Variants in CDKN3 observed in about 807,000 individuals in gnomAD.
The protein encoded by CDKN3 is cyclin-dependent kinase inhibitor 3.
A neutral mutation model predicts 36.1 loss-of-function variants in CDKN3; 19 were observed. The observed-to-expected ratio is 0.53, with a 90% CI of 0.37 to 0.77. The LOEUF is 0.77. Among genes scored for constraint, CDKN3 ranks in the 30% least tolerant of loss-of-function variants. The pLI, the probability that CDKN3 is intolerant of heterozygous loss-of-function variation, is 0.00. For synonymous variants in CDKN3, 71 were observed against 85.3 expected, an observed-to-expected ratio of 0.83 and a Z score of 0.92; for missense variants, 188 against 248.6, an observed-to-expected ratio of 0.76 and a Z score of 1.64.
At chr14:54,411,176 CAAAAAA>C (rs376186329) in intron 4 of CDKN3, 29 of 120,376 alleles carry the variant, frequency 2.4e-4, no homozygotes, top group South Asian at 7.1e-4. Context: ...GACTCCATCT[CAAAAAA>C]AAAAAAAAAA....
intron 7 of CDKN3, chr14:54,418,169 CAAACAAGATAATGA>C (rs1184992206): frequency 2.8e-6 from 2 of 703,956 alleles, no homozygotes; most frequent in Non-Finnish European, 5.2e-6. Flanking sequence ...CACAGGATTT[CAAACAAGATAATGA>C]AAATTTGAAC....
At chr14:54,405,395 T>G (rs1317112284) in intron 3 of CDKN3, among the ~76,000 whole-genome samples, 1 of 152,192 alleles carries the variant, frequency 6.6e-6, no homozygotes, top group Non-Finnish European at 1.5e-5. Context: ...TGGATATCCT[T>G]GTTAATTTTC....
chr14:54,406,597 A>T (rs1404678803), intron 3 of CDKN3, among the ~76,000 whole-genome samples: 1 of 151,508 alleles, frequency 6.6e-6, no homozygotes, highest in African/African-American at 2.4e-5. Flanking sequence ...TTGGTCTCCA[A>T]TCTCTGATAT....
rs373806786 is a variant in CDKN3 at position 54,404,531 on chromosome 14, C to G, written c.148+2952C>G. Among the ~76,000 whole-genome samples, 304 of 151,774 alleles carry G rather than the reference C, an allele frequency of 2.0e-3. 19 individuals are homozygous for G. The South Asian group carries it at 0.061, about 30-fold the overall frequency. On this transcript the variant is annotated intron_variant, in intron 3 of 7. Transcript: ENST00000335183. ...CTAGATTCATTGATTTTTTGAATGG[C>G]TTTTTATGTCTCTATCTCCTTCAGT...
intron 7 of CDKN3, among the ~76,000 whole-genome samples, chr14:54,418,653 C>A (rs2030628573): frequency 6.6e-6 from 1 of 152,226 alleles, no homozygotes; most frequent in Admixed American, 6.5e-5. Context: ...ACCAAAGAAT[C>A]CTGGCTGTTA....
intron 1 of CDKN3, among the ~76,000 whole-genome samples, chr14:54,398,091 A>C (rs1162946156): frequency 6.6e-6 from 1 of 152,224 alleles, no homozygotes; most frequent in Non-Finnish European, 1.5e-5. Context: ...ATATCACGCC[A>C]CTGCCCTCCA....
At chr14:54,410,352 A>G (rs961119086) in intron 4 of CDKN3, among the ~76,000 whole-genome samples, 1 of 152,220 alleles carries the variant, frequency 6.6e-6, no homozygotes, top group Non-Finnish European at 1.5e-5. Flanking sequence ...TGTACATCTC[A>G]GGGATTAGTT....
At chr14:54,400,665 G>A (rs2029908356) in intron 2 of CDKN3, among the ~76,000 whole-genome samples, 1 of 152,156 alleles carries the variant, frequency 6.6e-6, no homozygotes, top group Non-Finnish European at 1.5e-5. Context: ...GAGAAAGAGT[G>A]TCCTAAAGGT....
At chr14:54,400,642 C>T (rs2029907548) in intron 2 of CDKN3, among the ~76,000 whole-genome samples, 1 of 152,188 alleles carries the variant, frequency 6.6e-6, no homozygotes, top group African/African-American at 2.4e-5. Flanking sequence ...AAGCACTATC[C>T]CTACTGTCAG....
chr14:54,400,181 C>CCT (rs773039875), intron 2 of CDKN3, among the ~76,000 whole-genome samples: 1 of 137,302 alleles, frequency 7.3e-6, no homozygotes, highest in Non-Finnish European at 1.6e-5. Context: ...GAATAAGACC[C>CCT]TTTTTTTTTT....
At chr14:54,398,202 C>A (rs1886375013) in intron 1 of CDKN3, among the ~76,000 whole-genome samples, 1 of 152,192 alleles carries the variant, frequency 6.6e-6, no homozygotes, top group Admixed American at 6.5e-5. Flanking sequence ...AGTACCAAGA[C>A]CGTTGTAGAA....
Position 54,417,196 on chromosome 14 carries a change from T to C in CDKN3, c.449-652T>C, listed in dbSNP as rs4251657. Among the ~76,000 whole-genome samples, 114 of 152,328 alleles carry C rather than the reference T, an allele frequency of 7.5e-4. 1 individual carries two copies. Among genetic ancestry groups the C allele is most frequent in the African/African-American group, 2.1e-3 (87 of 41,568 alleles). Reference sequence around the variant, plus strand: ...CAAAGTATATACCCAAAGACTTGTATACAAATGTTTATAGCAGCATTAATC... The same window carrying C: ...CAAAGTATATACCCAAAGACTTGTACACAAATGTTTATAGCAGCATTAATC... On this transcript the variant is annotated intron_variant, in intron 6 of 7. Transcript: ENST00000335183.
In CDKN3 at chr14:54,401,591, A is replaced by AC. The variant is rs1566703805; in HGVS notation, c.148+12_148+13insC. 2 of 1,563,174 alleles carry AC rather than the reference A, an allele frequency of 1.3e-6. No individual in the cohort carries two copies. Among genetic ancestry groups the AC allele is most frequent in the Admixed American group, 3.4e-5 (2 of 58,736 alleles). Reference sequence around the variant, plus strand: ...ATGTGCTCTTCCAGGTGGGTAACACAATAATGGGCTTCCTATCAATATGTA... The same window carrying AC: ...ATGTGCTCTTCCAGGTGGGTAACACACATAATGGGCTTCCTATCAATATGTA... On this transcript the variant is annotated intron_variant, in intron 3 of 7. Transcript: ENST00000335183.
chr14:54,416,044 G>A (rs139249671), intron 6 of CDKN3, 114 bp downstream of exon 6: 1 of 801,452 alleles, frequency 1.2e-6, no homozygotes, highest in African/African-American at 1.7e-5. Flanking sequence ...AGTTTGCTAA[G>A]ACTCAAAGGA....
intron 5 of CDKN3, among the ~76,000 whole-genome samples, chr14:54,412,048 T>C (rs2030375486): frequency 6.6e-6 from 1 of 152,220 alleles, no homozygotes; most frequent in Admixed American, 6.5e-5. Flanking sequence ...GCCTCACTTA[T>C]TAGCTTTTCA....
At chr14:54,416,541 G>A (rs1249527483) in intron 6 of CDKN3, among the ~76,000 whole-genome samples, 5 of 152,150 alleles carry the variant, frequency 3.3e-5, no homozygotes, top group Non-Finnish European at 5.9e-5. Context: ...TAGGCCGGGC[G>A]TCGTGGCTCA....
chr14:54,399,961 C>T lies in CDKN3; in HGVS notation c.77C>T (p.Pro26Leu), dbSNP rs1886427962. Residue 26 changes from proline (P) to leucine (L), a missense_variant, in exon 2 of 8, where the codon CCA (proline) becomes CTA (leucine). Pro to Leu is a moderately conservative substitution (Grantham distance 98). Transcript: ENST00000335183. ...DEEPIEDEQT[P>L]IHISWLSLSR... ...GAGCCTATTGAAGATGAACAGACTC[C>T]AATTCATATATCATGGTATGTTAGC... The T allele has an allele frequency of 6.8e-7, 1 of 1,477,390 alleles. No homozygotes were observed. Among genetic ancestry groups the T allele is most frequent in the African/African-American group, 1.4e-5 (1 of 72,466 alleles). The allele number at this position is 1,477,390 out of a possible 1,614,324, so 91.5% of individuals were successfully genotyped here. A position where few individuals can be genotyped will look rare whatever the true frequency, so the allele number is the denominator to read the frequency against.
At chr14:54,403,810 A>G (rs1162535870) in intron 3 of CDKN3, among the ~76,000 whole-genome samples, 1 of 152,134 alleles carries the variant, frequency 6.6e-6, no homozygotes, top group African/African-American at 2.4e-5. Context: ...GGTTTTTGTC[A>G]CTGATTCTGT....
chr14:54,397,147 C>T, intron 1 of CDKN3, 70 bp downstream of exon 1: 1 of 1,406,244 alleles, frequency 7.1e-7, no homozygotes, highest in Non-Finnish European at 9.3e-7. Flanking sequence ...GGACCCGATC[C>T]TGGGCCGGAG....
Sources: allele counts gnomAD v4.1 joint callset (sites outside exome capture counted in the v4.1 genomes callset), GRCh38; gene constraint gnomAD v4.1.1; transcripts MANE v1.5; gene names NCBI Gene and HGNC (gene_info 2026-07-23, HGNC 2026-07-21).